The following DGKB variants were observed in gnomAD, a reference collection of about 807,000 sequenced individuals.
The protein encoded by DGKB is diacylglycerol kinase beta.
Under a neutral mutation model 114.3 loss-of-function variants are expected in DGKB, and 67 were observed. The observed-to-expected ratio is 0.59, with a 90% CI of 0.48 to 0.72. The LOEUF (loss-of-function observed/expected upper bound fraction) is 0.72. DGKB is among the 30% of genes least tolerant of loss of function. DGKB has a pLI of 0.00. For missense variants in DGKB, 907 were observed against 975.2 expected (o/e 0.93, Z 0.93); for synonymous variants, 398 against 323.1 (o/e 1.23, Z -2.49).
chr7:14,374,068 C>T (rs966308115), intron 21 of DGKB, among the ~76,000 whole-genome samples: 3 of 152,052 alleles, frequency 2.0e-5, no homozygotes, highest in Non-Finnish European at 2.9e-5. Flanking sequence ...CTCTTCCAAT[C>T]TCTCTCTCTA....
intron 13 of DGKB, among the ~76,000 whole-genome samples, chr7:14,667,422 G>A (rs1227500150): frequency 6.6e-6 from 1 of 151,910 alleles, no homozygotes; most frequent in South Asian, 2.1e-4. Context: ...AATAAAACTA[G>A]ACATCTTAAG....
intron 23 of DGKB, among the ~76,000 whole-genome samples, chr7:14,308,522 T>C (rs960321237): frequency 3.3e-5 from 5 of 152,204 alleles, no homozygotes; most frequent in Non-Finnish European, 1.5e-5. Context: ...CCAAATTTTA[T>C]AATAGAGAAA....
intron 22 of DGKB, among the ~76,000 whole-genome samples, chr7:14,340,870 T>A (rs931153647): frequency 1.3e-5 from 2 of 151,792 alleles, no homozygotes; most frequent in African/African-American, 4.8e-5. Context: ...GGTAGTACAC[T>A]AAGACAATTA....
At chr7:14,669,557 C>T (rs1818607240) in intron 13 of DGKB, among the ~76,000 whole-genome samples, 1 of 152,160 alleles carries the variant, frequency 6.6e-6, no homozygotes, top group African/African-American at 2.4e-5. Context: ...CCCAACATTT[C>T]TTCTTTCTCT....
intron 1 of DGKB, among the ~76,000 whole-genome samples, chr7:14,969,690 C>G (rs116691699): frequency 0.017 from 2,648 of 152,268 alleles, 72 homozygotes; most frequent in African/African-American, 0.058. Context: ...CATCCCCCAA[C>G]CCCCATGGAA....
At chr7:14,194,312 G>GGAT (rs2128279008) in intron 23 of DGKB, among the ~76,000 whole-genome samples, 1 of 152,186 alleles carries the variant, frequency 6.6e-6, no homozygotes, top group African/African-American at 2.4e-5. Flanking sequence ...GTCCAACAGT[G>GGAT]GATGAATGGA....
intron 2 of DGKB, among the ~76,000 whole-genome samples, chr7:14,809,498 T>C (rs1450710375): frequency 6.6e-6 from 1 of 152,082 alleles, no homozygotes; most frequent in Non-Finnish European, 1.5e-5. Context: ...AACATGGAGG[T>C]CATATTTTAA....
upstream of DGKB, among the ~76,000 whole-genome samples, chr7:14,906,443 CTGTCTTTTTTTT>C (rs1783708024): frequency 7.9e-6 from 1 of 126,980 alleles, no homozygotes; most frequent in African/African-American, 3.1e-5. Flanking sequence ...TTTCTTTTTT[CTGTCTTTTTTTT>C]TTTTTTTTTT....
intron 17 of DGKB, among the ~76,000 whole-genome samples, chr7:14,592,719 C>T (rs10259487): frequency 0.57 from 86,572 of 151,412 alleles, 25,806 homozygotes; most frequent in African/African-American, 0.75. Flanking sequence ...TAAAGTTTCA[C>T]TCTATTATAT....
chr7:14,209,544 C>A (rs751003302), intron 23 of DGKB: 9 of 500,182 alleles, frequency 1.8e-5, no homozygotes, highest in African/African-American at 1.4e-4. Flanking sequence ...GCACAGAGCT[C>A]CACTCCTATT....
At chr7:14,781,124 T>C (rs574299567) in intron 2 of DGKB, among the ~76,000 whole-genome samples, 1 of 152,308 alleles carries the variant, frequency 6.6e-6, no homozygotes, top group South Asian at 2.1e-4. Flanking sequence ...TATTTAACCA[T>C]AAAAGCCTGG....
intron 2 of DGKB, among the ~76,000 whole-genome samples, chr7:14,824,568 A>G (rs7806534): frequency 0.44 from 66,829 of 151,866 alleles, 15,131 homozygotes; most frequent in Non-Finnish European, 0.48. Flanking sequence ...ATAGTTGAAA[A>G]AATAATCAAG....
At chr7:14,883,359 G>T (rs1854536061) in intron 1 of DGKB, among the ~76,000 whole-genome samples, 2 of 151,950 alleles carry the variant, frequency 1.3e-5, no homozygotes, top group South Asian at 2.1e-4. Flanking sequence ...TCCCCTTTGG[G>T]ATGGAGCACA....
At chr7:14,263,152 T>C (rs1797012177) in intron 23 of DGKB, among the ~76,000 whole-genome samples, 1 of 152,158 alleles carries the variant, frequency 6.6e-6, no homozygotes, top group East Asian at 1.9e-4. Context: ...TGGAGGTAAA[T>C]TCAACTAGAT....
chr7:14,823,267 T>C (rs1370179429), intron 2 of DGKB, among the ~76,000 whole-genome samples: 1 of 151,954 alleles, frequency 6.6e-6, no homozygotes, highest in African/African-American at 2.4e-5. Context: ...TATTAATTGA[T>C]TTTTAAGACC....
At chr7:14,906,447 CTTTTTTTTTTTT>C (rs34250901), upstream of DGKB, among the ~76,000 whole-genome samples, 5 of 103,882 alleles carry the variant, frequency 4.8e-5, no homozygotes, top group Non-Finnish European at 7.8e-5. Context: ...TTTTTTCTGT[CTTTTTTTTTTTT>C]TTTTTTTTTT....
At chr7:14,731,933 G>A (rs1009738989) in intron 5 of DGKB, among the ~76,000 whole-genome samples, 1 of 152,054 alleles carries the variant, frequency 6.6e-6, no homozygotes, top group Non-Finnish European at 1.5e-5. Context: ...AACAGTAGTA[G>A]TGACATCATT....
chr7:14,217,444 T>C (rs1427533751), intron 23 of DGKB, among the ~76,000 whole-genome samples: 1 of 152,032 alleles, frequency 6.6e-6, no homozygotes, highest in African/African-American at 2.4e-5. Context: ...TTTAGTAACA[T>C]TAAAGAAAAA....
intron 23 of DGKB, among the ~76,000 whole-genome samples, chr7:14,179,846 C>A (rs1383293593): frequency 6.6e-6 from 1 of 152,154 alleles, no homozygotes; most frequent in African/African-American, 2.4e-5. Context: ...CAAATGTTAA[C>A]TTAGAGCTTC....
Sources: gnomAD v4.1 joint callset for allele counts (sites outside exome capture counted in the v4.1 genomes callset) on GRCh38, gnomAD v4.1.1 for gene constraint, MANE v1.5 for transcripts, NCBI Gene and HGNC (gene_info 2026-07-23, HGNC 2026-07-21) for gene names.